ZNF654: variants seen among roughly 807,000 people sequenced by gnomAD.
ZNF654 encodes the protein zinc finger protein 654, also known as melanoma-associated antigen.
ZNF654 carries 19 observed loss-of-function variants against 95.3 expected under a neutral mutation model. That is an observed-to-expected ratio of 0.20 (90% CI 0.14 to 0.29). The LOEUF (loss-of-function observed/expected upper bound fraction) is 0.29, where lower values mean the gene tolerates loss of function less well. Ranked by LOEUF, ZNF654 falls within the 10% of genes least tolerant of loss-of-function variation. The pLI, the probability that ZNF654 is intolerant of heterozygous loss-of-function variation, is 1.00. For missense variants in ZNF654, 1,046 were observed against 1,341.0 expected (o/e 0.78, Z 3.44); for synonymous variants, 413 against 457.9 (o/e 0.90, Z 1.25).
intron 3 of ZNF654, among the ~76,000 whole-genome samples, chr3:88,122,455 C>G (rs61296869): frequency 6.6e-6 from 1 of 152,092 alleles, no homozygotes; most frequent in Non-Finnish European, 1.5e-5. Flanking sequence ...GTTGTAGGTG[C>G]CTTCTCTAAA....
intron 3 of ZNF654, among the ~76,000 whole-genome samples, chr3:88,121,892 T>C (rs1273760020): frequency 6.6e-6 from 1 of 152,202 alleles, no homozygotes; most frequent in Non-Finnish European, 1.5e-5. Context: ...GACTCCATAG[T>C]GCTTCCATTT....
intron 1 of ZNF654, among the ~76,000 whole-genome samples, chr3:88,062,799 GAGA>G (rs995576132): frequency 2.0e-5 from 3 of 152,150 alleles, no homozygotes; most frequent in African/African-American, 7.2e-5. Flanking sequence ...TATAAAAAGA[GAGA>G]AGAATATAAT....
intron 1 of ZNF654, among the ~76,000 whole-genome samples, chr3:88,077,423 G>T (rs1469722550): frequency 6.7e-6 from 1 of 149,658 alleles, no homozygotes; most frequent in Non-Finnish European, 1.5e-5. Context: ...AAGCTCCGCC[G>T]CCGGGTTCAC....
intron 2 of ZNF654, among the ~76,000 whole-genome samples, chr3:88,088,524 T>A (rs887766758): frequency 6.6e-6 from 1 of 152,092 alleles, no homozygotes; most frequent in African/African-American, 2.4e-5. Context: ...GAAAATATGA[T>A]GGTTAAAATT....
intron 1 of ZNF654, among the ~76,000 whole-genome samples, chr3:88,063,945 C>G (rs1157839981): frequency 1.3e-5 from 2 of 152,112 alleles, no homozygotes; most frequent in East Asian, 3.8e-4. Context: ...AACAACTTGT[C>G]CTAAATCCTA....
Position 88,083,941 on chromosome 3 carries a change from T to TTATATATATATATATATATATATA in ZNF654, c.187-2313_187-2290dup, listed in dbSNP as rs78670676. The stretch of plus-strand genomic sequence containing the variant: ...AATAGGACAATGTAATGTACTTATT[T>TTATATATATATATATATATATATA]TATATATATATATATATATATATAT... On this transcript the variant is annotated intron_variant, in intron 1 of 8. Coordinates refer to ENST00000636215, the MANE Select transcript of ZNF654 (RefSeq NM_001350134.2). Among the ~76,000 whole-genome samples, 328 of 147,662 alleles carry TTATATATATATATATATATATATA rather than the reference T, an allele frequency of 2.2e-3. 4 individuals are homozygous for TTATATATATATATATATATATATA. The highest frequency in any genetic ancestry group is 3.7e-3 in the Non-Finnish European group (249 of 66,540).
chr3:88,114,039 A>C (rs1705248674), intron 3 of ZNF654, among the ~76,000 whole-genome samples: 1 of 152,188 alleles, frequency 6.6e-6, no homozygotes, highest in African/African-American at 2.4e-5. Context: ...TTAAACTTTT[A>C]CTTGGCAAAT....
At chr3:88,076,737 C>A (rs144523534) in intron 1 of ZNF654, among the ~76,000 whole-genome samples, 141 of 152,162 alleles carry the variant, frequency 9.3e-4, no homozygotes, top group Admixed American at 1.7e-3. Context: ...ATATTTATGA[C>A]GGAAGCATTT....
intron 2 of ZNF654, among the ~76,000 whole-genome samples, chr3:88,101,553 C>T (rs1177651381): frequency 1.3e-5 from 2 of 152,038 alleles, no homozygotes; most frequent in African/African-American, 4.8e-5. Context: ...TCATAGATTT[C>T]AGTATATGGA....
Position 88,143,156 on chromosome 3 carries a change from G to T in ZNF654, c.*1504G>T, listed in dbSNP as rs1156769284. On this transcript the variant is annotated 3_prime_UTR_variant, in exon 9 of 9. Coordinates refer to ENST00000636215, the MANE Select transcript of ZNF654 (RefSeq NM_001350134.2). ...TCTTGAATGAGGCTATTACGGAAGT[G>T]GGGAATTTCTTCCAGGTAGCATCCA... 1 of 152,218 alleles carries T rather than the reference G, an allele frequency of 6.6e-6. No homozygotes were observed. The highest frequency in any genetic ancestry group is 2.1e-4 in the South Asian group (1 of 4,826). The allele number at this position is 152,218 out of a possible 1,614,324, so 9.4% of individuals were successfully genotyped here.
intron 2 of ZNF654, among the ~76,000 whole-genome samples, chr3:88,109,321 T>C (rs1704948003): frequency 6.6e-6 from 1 of 152,128 alleles, no homozygotes; most frequent in Non-Finnish European, 1.5e-5. Context: ...TAGGACTGAA[T>C]AGAAATTTCT....
Position 88,129,722 on chromosome 3 carries a change from T to A in ZNF654, c.789T>A (p.Asp263Glu). The change falls in exon 6 of 9, where the codon GAT becomes GAA. Residue 263 changes from aspartate (D) to glutamate (E), a missense_variant. Physicochemically the swap from Asp to Glu is conservative, Grantham distance 45 (BLOSUM62 2). This residue lies in a region of ZNF654 where 121 missense variants were observed against 141.7 expected (regional missense o/e 0.85). Transcript: ENST00000636215. ...AAACTGATTGTAAGAGTGGAATTGA[T>A]ATCATCTGTAATGCTGAAAAAGAAG... is the stretch of plus-strand genomic sequence containing the variant. ...LLKTDCKSGIDIICNAEKEGK... is the reference protein window; with the variant it reads ...LLKTDCKSGIEIICNAEKEGK... 2 of 1,519,658 alleles carry A rather than the reference T, an allele frequency of 1.3e-6. No individual in the cohort carries two copies. The highest frequency in any genetic ancestry group is 1.8e-6 in the Non-Finnish European group (2 of 1,136,418). The allele number at this position is 1,519,658 out of a possible 1,614,324, so 94.1% of individuals were successfully genotyped here.
Position 88,131,363 on chromosome 3 carries a change from T to C in ZNF654, c.893+1537T>C, listed in dbSNP as rs60001236. On this transcript the variant is annotated intron_variant, in intron 6 of 8. Transcript: ENST00000636215. Reference sequence around the variant, plus strand: ...TATCATTTTTTGACATGTGGTTATTTGGAAACTGAAAATAGTCATGACAGT... The same window carrying C: ...TATCATTTTTTGACATGTGGTTATTCGGAAACTGAAAATAGTCATGACAGT... Among the ~76,000 whole-genome samples, 461 of 152,324 alleles carry C rather than the reference T, an allele frequency of 3.0e-3. 3 individuals are homozygous for C. Among genetic ancestry groups the C allele is most frequent in the African/African-American group, 0.011 (443 of 41,568 alleles).
At chr3:88,120,819 T>A (rs1200621281) in intron 3 of ZNF654, among the ~76,000 whole-genome samples, 2 of 152,112 alleles carry the variant, frequency 1.3e-5, no homozygotes, top group African/African-American at 4.8e-5. Flanking sequence ...ATTAGTGTGA[T>A]TATAGCGTAT....
intron 2 of ZNF654, among the ~76,000 whole-genome samples, chr3:88,102,310 C>A (rs1409424652): frequency 6.6e-6 from 1 of 152,114 alleles, no homozygotes; most frequent in East Asian, 1.9e-4. Context: ...TGAAGGGGAA[C>A]AACAGCTGTC....
intron 3 of ZNF654, among the ~76,000 whole-genome samples, chr3:88,122,455 C>T (rs61296869): frequency 0.01 from 1,564 of 152,202 alleles, 26 homozygotes; most frequent in African/African-American, 0.035. Context: ...GTTGTAGGTG[C>T]CTTCTCTAAA....
intron 2 of ZNF654, among the ~76,000 whole-genome samples, chr3:88,109,364 G>A (rs1212693208): frequency 1.3e-5 from 2 of 152,046 alleles, no homozygotes; most frequent in Admixed American, 6.6e-5. Context: ...AGTATATATA[G>A]AAAGAGTTCT....
chr3:88,120,770 AAAAT>A (rs1303743080), intron 3 of ZNF654, among the ~76,000 whole-genome samples: 1 of 150,850 alleles, frequency 6.6e-6, no homozygotes, highest in Admixed American at 6.7e-5. Flanking sequence ...GGATGAAACT[AAAAT>A]AATGTTTTAA....
rs78670676 is a variant in ZNF654, at chr3:88,083,941, TTATA to T, written c.187-2293_187-2290del. Among the ~76,000 whole-genome samples the T allele has an allele frequency of 1.9e-3, 276 of 147,762 alleles. 3 individuals carry two copies. Among genetic ancestry groups the T allele is most frequent in the Admixed American group, 5.2e-3 (77 of 14,948 alleles). ...AATAGGACAATGTAATGTACTTATT[TTATA>T]TATATATATATATATATATATAGAA... On this transcript the variant is annotated intron_variant, in intron 1 of 8. Transcript: ENST00000636215.
Sources: allele counts gnomAD v4.1 joint callset (sites outside exome capture counted in the v4.1 genomes callset), GRCh38; gene constraint gnomAD v4.1.1; regional missense constraint gnomAD v4.1.1; transcripts MANE v1.5; gene names NCBI Gene and HGNC (gene_info 2026-07-23, HGNC 2026-07-21).